Variants in ENTREP2 observed in about 807,000 individuals in gnomAD.
ENTREP2 encodes the protein protein ENTREP2.
the ENTREP2 span, among the ~76,000 whole-genome samples, chr15:29,628,035 G>A: frequency 6.6e-6 from 1 of 152,148 alleles, no homozygotes; most frequent in Non-Finnish European, 1.5e-5. Flanking sequence ...GTAATTCTAT[G>A]TTTAACTTTT....
chr15:29,668,358 G>A, the ENTREP2 span, among the ~76,000 whole-genome samples: 1 of 152,162 alleles, frequency 6.6e-6, no homozygotes, highest in Non-Finnish European at 1.5e-5. Flanking sequence ...AGTTTGGTGC[G>A]TCCTCAAAAA....
the ENTREP2 span, among the ~76,000 whole-genome samples, chr15:29,490,367 G>T: frequency 6.6e-6 from 1 of 152,172 alleles, no homozygotes; most frequent in African/African-American, 2.4e-5. Context: ...CGCAAAGAGC[G>T]AAAGAACAAA....
At chr15:29,136,560 A>G in the ENTREP2 span, 5 of 1,518,948 alleles carry the variant, frequency 3.3e-6, no homozygotes, top group South Asian at 5.1e-5. Flanking sequence ...AAGTGCTGAC[A>G]GCTCTCAAAG....
chr15:29,253,344 C>A, the ENTREP2 span, among the ~76,000 whole-genome samples: 3 of 152,090 alleles, frequency 2.0e-5, no homozygotes, highest in Non-Finnish European at 4.4e-5. Context: ...GATTGTAGTC[C>A]TCTATCATTA....
the ENTREP2 span, among the ~76,000 whole-genome samples, chr15:29,596,065 G>A: frequency 6.6e-6 from 1 of 152,130 alleles, no homozygotes; most frequent in African/African-American, 2.4e-5. Context: ...CAGTAGGTAT[G>A]CTCATTGCTA....
chr15:29,619,925 T>C, the ENTREP2 span, among the ~76,000 whole-genome samples: 2 of 152,090 alleles, frequency 1.3e-5, no homozygotes, highest in South Asian at 2.1e-4. Context: ...GCTCCCTGAA[T>C]CTCACCCTCA....
chr15:29,635,393 T>C, the ENTREP2 span, among the ~76,000 whole-genome samples: 2 of 152,026 alleles, frequency 1.3e-5, no homozygotes, highest in Non-Finnish European at 2.9e-5. Flanking sequence ...GTTCACAATA[T>C]CACAGGGGCC....
At chr15:29,204,581 A>G in the ENTREP2 span, among the ~76,000 whole-genome samples, 1 of 152,164 alleles carries the variant, frequency 6.6e-6, no homozygotes. Flanking sequence ...CCTAACTGCC[A>G]TGGAGTGACC....
At chr15:29,130,860 G>A in the ENTREP2 span, among the ~76,000 whole-genome samples, 91 of 152,268 alleles carry the variant, frequency 6.0e-4, no homozygotes, top group Middle Eastern at 0.014. Context: ...GAAAAGGGTG[G>A]GGAAGAAATA....
the ENTREP2 span, among the ~76,000 whole-genome samples, chr15:29,256,000 CA>C: frequency 9.5e-3 from 1,067 of 112,330 alleles, 2 homozygotes; most frequent in Non-Finnish European, 0.012. Context: ...GAGTCCGTCT[CA>C]AAAAAAAAAA....
the ENTREP2 span, among the ~76,000 whole-genome samples, chr15:29,476,573 C>A: frequency 6.6e-6 from 1 of 152,222 alleles, no homozygotes; most frequent in Non-Finnish European, 1.5e-5. Flanking sequence ...CAGGGCCAGA[C>A]CTGGACATGC....
chr15:29,237,334 G>A, the ENTREP2 span, among the ~76,000 whole-genome samples: 4 of 152,152 alleles, frequency 2.6e-5, no homozygotes, highest in African/African-American at 9.6e-5. Flanking sequence ...CGGAGACCTG[G>A]TTTTTAATTT....
At chr15:29,570,652 C>G in the ENTREP2 span, 1 of 1,342,260 alleles carries the variant, frequency 7.5e-7, no homozygotes, top group Non-Finnish European at 9.6e-7. Flanking sequence ...GGCCCGGGCA[C>G]TCGCGCAGGC....
chr15:29,525,087 T>C, the ENTREP2 span, among the ~76,000 whole-genome samples: 1 of 152,240 alleles, frequency 6.6e-6, no homozygotes, highest in Non-Finnish European at 1.5e-5. Flanking sequence ...GCAGGTGTGA[T>C]CACCTTTCCC....
At chr15:29,602,085 A>G in the ENTREP2 span, among the ~76,000 whole-genome samples, 4 of 152,236 alleles carry the variant, frequency 2.6e-5, no homozygotes, top group African/African-American at 9.6e-5. Context: ...AAACCATGGT[A>G]AATGAGTTCG....
At chr15:29,159,194 T>G in the ENTREP2 span, among the ~76,000 whole-genome samples, 2 of 151,990 alleles carry the variant, frequency 1.3e-5, no homozygotes, top group Non-Finnish European at 2.9e-5. Flanking sequence ...TCTGGTGGGT[T>G]TGTGGTCTCG....
the ENTREP2 span, among the ~76,000 whole-genome samples, chr15:29,653,158 A>G: frequency 1.3e-5 from 2 of 152,294 alleles, no homozygotes; most frequent in East Asian, 3.9e-4. Context: ...AAACAAAACA[A>G]AACAAAAAAC....
At chr15:29,269,433 C>G in the ENTREP2 span, 2 of 1,614,150 alleles carry the variant, frequency 1.2e-6, no homozygotes, top group Non-Finnish European at 1.7e-6. Context: ...ACTGCACCAG[C>G]TCGGACACTT....
the ENTREP2 span, among the ~76,000 whole-genome samples, chr15:29,254,319 G>T: frequency 6.6e-6 from 1 of 152,232 alleles, no homozygotes; most frequent in Admixed American, 6.5e-5. Flanking sequence ...GTATAAAACT[G>T]ATAGTAGTGC....
Sources: allele counts gnomAD v4.1 joint callset (sites outside exome capture counted in the v4.1 genomes callset), GRCh38; gene constraint gnomAD v4.1.1; transcripts MANE v1.5; gene names NCBI Gene and HGNC (gene_info 2026-07-23, HGNC 2026-07-21).